NECTIN3: variants seen among roughly 807,000 people sequenced by gnomAD.
The protein encoded by NECTIN3 is nectin-3.
A neutral mutation model predicts 49.4 loss-of-function variants in NECTIN3; 8 were observed. The ratio of observed to expected loss-of-function variants is 0.16; its 90% confidence interval spans 0.10 to 0.29. The LOEUF is 0.29. Among genes scored for constraint, NECTIN3 ranks in the 10% least tolerant of loss-of-function variants. The probability of loss-of-function intolerance (pLI) is 1.00; values close to 1 mark genes in which losing one functional copy is unlikely to be tolerated. For missense variants in NECTIN3, 581 were observed against 654.6 expected, an observed-to-expected ratio of 0.89 and a Z score of 1.23; for synonymous variants, 277 against 241.1, an observed-to-expected ratio of 1.15 and a Z score of -1.38.
At chr3:111,072,928 C>T in intron 1 of NECTIN3, 1 of 183,550 alleles carries the variant, frequency 5.4e-6, no homozygotes, top group South Asian at 1.0e-4. Flanking sequence ...TCTTGACCCT[C>T]GTGTTATGTT....
intron 4 of NECTIN3, among the ~76,000 whole-genome samples, chr3:111,124,208 T>A (rs1245443762): frequency 1.3e-5 from 2 of 152,164 alleles, no homozygotes; most frequent in Non-Finnish European, 2.9e-5. Context: ...CATACAACTC[T>A]GGATTCTCAT....
At chr3:111,116,662 C>T (rs1312395964) in intron 2 of NECTIN3, among the ~76,000 whole-genome samples, 1 of 151,938 alleles carries the variant, frequency 6.6e-6, no homozygotes, top group Non-Finnish European at 1.5e-5. Flanking sequence ...CTTTTACTCA[C>T]CAGTAAGAAA....
intron 7 of NECTIN3, among the ~76,000 whole-genome samples, chr3:111,179,366 C>G (rs2035587770): frequency 6.6e-6 from 1 of 152,160 alleles, no homozygotes. Context: ...AGCTAGCACC[C>G]AAGATATCTG....
chr3:111,147,720 CAAG>C (rs1183603527), intron 7 of NECTIN3, among the ~76,000 whole-genome samples: 1 of 152,092 alleles, frequency 6.6e-6, no homozygotes, highest in Admixed American at 6.6e-5. Flanking sequence ...TGTCAACAAA[CAAG>C]AAGTTATGGC....
chr3:111,129,739 C>T lies in NECTIN3; in HGVS notation c.1069+3404C>T, dbSNP rs181651472. The stretch of plus-strand genomic sequence containing the variant: ...TCTTGGCTCACTGCAACCTCTGCCT[C>T]CCGGATTCAAGCAGTTCTCCTGCCT... On this transcript the variant is annotated intron_variant, in intron 5 of 5. Coordinates refer to ENST00000485303, the MANE Select transcript of NECTIN3 (RefSeq NM_015480.3). Among the ~76,000 whole-genome samples, 8 of 151,746 alleles carry T rather than the reference C, an allele frequency of 5.3e-5. No homozygotes were observed. In the East Asian group the frequency reaches 1.4e-3, roughly 26 times the overall value.
At chr3:111,144,976 G>A (rs2034838668) in exon 6 of NECTIN3, 2 of 1,536,172 alleles carry the variant, frequency 1.3e-6, no homozygotes, top group African/African-American at 2.7e-5. Context: ...TTTCATCATT[G>A]CTATCTTTGT....
rs761573934 is a variant in NECTIN3 at position 111,133,623 on chromosome 3, T to C, written c.1070-12T>C. 1.2e-6 allele frequency: 2 copies of C among 1,606,342 alleles called. No individual in the cohort carries two copies. The highest frequency in any genetic ancestry group is 2.2e-5 in the East Asian group (1 of 44,850). The stretch of plus-strand genomic sequence containing the variant: ...CTTTCTGTGTCTTCTCTATCTTTAC[T>C]GTTTCCATTAGATCCTCCTACTACT... On this transcript the variant is annotated splice_polypyrimidine_tract_variant and intron_variant, in intron 5 of 5. Transcript: ENST00000485303.
intron 2 of NECTIN3, among the ~76,000 whole-genome samples, chr3:111,113,765 C>G (rs759934921): frequency 6.6e-6 from 1 of 152,122 alleles, no homozygotes; most frequent in Non-Finnish European, 1.5e-5. Context: ...AGATGGATCA[C>G]TTGAGGCCAG....
At chr3:111,187,235 A>G (rs1191628134) in intron 7 of NECTIN3, among the ~76,000 whole-genome samples, 2 of 152,126 alleles carry the variant, frequency 1.3e-5, no homozygotes, top group East Asian at 3.9e-4. Flanking sequence ...CTGTCTCTAC[A>G]AAAAATAAAT....
chr3:111,096,685 G>A (rs1352238930), intron 1 of NECTIN3, among the ~76,000 whole-genome samples: 4 of 152,192 alleles, frequency 2.6e-5, no homozygotes, highest in Non-Finnish European at 5.9e-5. Flanking sequence ...GTGACTGAAA[G>A]TGGCCAAGGT....
chr3:111,163,007 A>T lies in NECTIN3; in HGVS notation c.1221+15523A>T, dbSNP rs73229197. On this transcript the variant is annotated intron_variant, in intron 7 of 8. Transcript: ENST00000493615. ...CTATTACTCTCTCTTATGATTCTGAAGTTGACAGGGTACTTTATGAGAAGC... is the reference window on the plus strand; with the variant it reads ...CTATTACTCTCTCTTATGATTCTGATGTTGACAGGGTACTTTATGAGAAGC... Among the ~76,000 whole-genome samples, 173 of 152,304 alleles carry T rather than the reference A, an allele frequency of 1.1e-3. 1 individual carries two copies. The highest frequency in any genetic ancestry group is 1.9e-3 in the Non-Finnish European group (126 of 68,024).
In NECTIN3 at chr3:111,127,324, A is replaced by G. The variant is rs149560400; in HGVS notation, c.1069+989A>G. Among the ~76,000 whole-genome samples the G allele has an allele frequency of 5.4e-3, 829 of 152,284 alleles. 8 individuals are homozygous for G. Among genetic ancestry groups the G allele is most frequent in the African/African-American group, 0.019 (801 of 41,572 alleles). Reference sequence around the variant, plus strand: ...ACCACGTATTATATTGTCTTAGAGCACTCACCACAGTTTTTAGTTGTATGC... The same window carrying G: ...ACCACGTATTATATTGTCTTAGAGCGCTCACCACAGTTTTTAGTTGTATGC... On this transcript the variant is annotated intron_variant, in intron 5 of 5. Transcript: ENST00000485303.
chr3:111,106,141 C>T (rs979848623), intron 1 of NECTIN3, among the ~76,000 whole-genome samples: 2 of 152,132 alleles, frequency 1.3e-5, no homozygotes, highest in African/African-American at 4.8e-5. Flanking sequence ...TTAGAATGCA[C>T]TATGGATCCT....
chr3:111,161,664 GTGGAA>G (rs2035214988), intron 7 of NECTIN3, among the ~76,000 whole-genome samples: 1 of 152,190 alleles, frequency 6.6e-6, no homozygotes, highest in African/African-American at 2.4e-5. Flanking sequence ...CATGCTCCTT[GTGGAA>G]CAGTTTCATC....
intron 1 of NECTIN3, among the ~76,000 whole-genome samples, chr3:111,085,882 T>G (rs772128672): frequency 2.0e-5 from 3 of 152,198 alleles, no homozygotes; most frequent in Non-Finnish European, 4.4e-5. Context: ...ATGCATATTT[T>G]TGTTGGAATA....
Position 111,137,304 on chromosome 3 carries a change from G to C in NECTIN3, c.*3089G>C, listed in dbSNP as rs1175993886. ...AGGAGAGTAGATTGTAGATTGAATT[G>C]TCTTTCCTGTTTACTTGTTAATTAG... On this transcript the variant is annotated 3_prime_UTR_variant, in exon 6 of 6. Coordinates refer to ENST00000485303, the MANE Select transcript of NECTIN3 (RefSeq NM_015480.3). 1 of 969,182 alleles carries C rather than the reference G, an allele frequency of 1.0e-6. No homozygotes were observed. Among genetic ancestry groups the C allele is most frequent in the Non-Finnish European group, 1.2e-6 (1 of 815,510 alleles). The allele number at this position is 969,182 out of a possible 1,614,324, so 60.0% of individuals were successfully genotyped here.
At chr3:111,131,922 G>A (rs1192070683) in intron 5 of NECTIN3, among the ~76,000 whole-genome samples, 1 of 151,840 alleles carries the variant, frequency 6.6e-6, no homozygotes, top group East Asian at 1.9e-4. Context: ...GCTGATGCCA[G>A]TTTATTATAT....
intron 5 of NECTIN3, among the ~76,000 whole-genome samples, chr3:111,143,617 G>C (rs1182592260): frequency 6.6e-6 from 1 of 151,952 alleles, no homozygotes; most frequent in Admixed American, 6.6e-5. Flanking sequence ...AATAGTGCTA[G>C]TTCTGTAACT....
chr3:111,086,373 A>C (rs189225518), intron 1 of NECTIN3, among the ~76,000 whole-genome samples: 44 of 152,272 alleles, frequency 2.9e-4, no homozygotes, highest in African/African-American at 1.0e-3. Flanking sequence ...GTACACCATC[A>C]TGAAATTTTT....
Sources: allele counts gnomAD v4.1 joint callset (sites outside exome capture counted in the v4.1 genomes callset), GRCh38; gene constraint gnomAD v4.1.1; transcripts MANE v1.5; gene names NCBI Gene and HGNC (gene_info 2026-07-23, HGNC 2026-07-21).